The following SCFD2 variants were observed in gnomAD, a reference collection of about 807,000 sequenced individuals.
SCFD2 encodes sec1 family domain containing 2.
SCFD2 carries 54 observed loss-of-function variants against 58.9 expected under a neutral mutation model. The ratio of observed to expected loss-of-function variants is 0.92; its 90% CI spans 0.74 to 1.15. The LOEUF (loss-of-function observed/expected upper bound fraction) is 1.15. Among genes scored for constraint, SCFD2 ranks in the 50% most tolerant of loss-of-function variants. The pLI is 0.00. For missense variants in SCFD2, 805 were observed against 836.6 expected (o/e 0.96, Z 0.47); for synonymous variants, 321 against 335.9 (o/e 0.96, Z 0.49).
intron 5 of SCFD2, among the ~76,000 whole-genome samples, chr4:52,922,087 C>T (rs1719749182): frequency 6.6e-6 from 1 of 152,110 alleles, no homozygotes. Flanking sequence ...CCTGACTGTG[C>T]TTTGGGATAT....
intron 4 of SCFD2, among the ~76,000 whole-genome samples, chr4:53,169,091 A>G (rs184681074): frequency 4.6e-5 from 7 of 152,336 alleles, no homozygotes; most frequent in Admixed American, 3.9e-4. Flanking sequence ...TTAAGAATGC[A>G]TAGGCCGGGC....
chr4:53,209,771 T>C (rs1728547206), intron 4 of SCFD2, among the ~76,000 whole-genome samples: 1 of 145,814 alleles, frequency 6.9e-6, no homozygotes, highest in Admixed American at 6.9e-5. Context: ...CTTTCTCCAT[T>C]AAAAAAAAAA....
chr4:53,331,341 T>G (rs1473373903), intron 2 of SCFD2, among the ~76,000 whole-genome samples: 1 of 151,922 alleles, frequency 6.6e-6, no homozygotes, highest in Non-Finnish European at 1.5e-5. Context: ...ACCACATACT[T>G]GGAAGTAAAG....
intron 5 of SCFD2, among the ~76,000 whole-genome samples, chr4:52,962,534 T>C (rs563669408): frequency 1.3e-4 from 20 of 152,224 alleles, no homozygotes; most frequent in Non-Finnish European, 2.5e-4. Flanking sequence ...AGAAGAAGCA[T>C]AGCTGGGCTG....
chr4:53,002,205 C>T (rs62336842), intron 5 of SCFD2, among the ~76,000 whole-genome samples: 1 of 152,088 alleles, frequency 6.6e-6, no homozygotes, highest in Non-Finnish European at 1.5e-5. Flanking sequence ...GGGGACAGGG[C>T]TTAAAGGTGG....
At chr4:53,106,611 A>G (rs1725011246) in intron 5 of SCFD2, among the ~76,000 whole-genome samples, 2 of 152,214 alleles carry the variant, frequency 1.3e-5, no homozygotes, top group South Asian at 4.1e-4. Context: ...GGAAGAAAGG[A>G]TATCAGAGAT....
At chr4:52,995,720 G>C (rs1310309465) in intron 5 of SCFD2, among the ~76,000 whole-genome samples, 2 of 152,240 alleles carry the variant, frequency 1.3e-5, no homozygotes, top group East Asian at 3.8e-4. Flanking sequence ...AAGGGGCAAA[G>C]AAAGAGTGGC....
At chr4:52,956,833 A>G (rs1254068692) in intron 5 of SCFD2, 2 of 152,802 alleles carry the variant, frequency 1.3e-5, no homozygotes, top group Non-Finnish European at 1.5e-5. Flanking sequence ...TGTCCACCAG[A>G]TAAGGATCTT....
At chr4:53,348,775 C>T (rs1734133044) in intron 2 of SCFD2, among the ~76,000 whole-genome samples, 1 of 151,224 alleles carries the variant, frequency 6.6e-6, no homozygotes. Flanking sequence ...AGTGCCATGG[C>T]CCAATCTCAA....
At position 53,087,426 on chromosome 4, in the gene SCFD2, C is replaced by T. The variant is rs1252556811; in HGVS notation, c.1561+57907G>A. Among the ~76,000 whole-genome samples the T allele has an allele frequency of 4.6e-5, 7 of 152,264 alleles. No homozygotes were observed. In the East Asian group the frequency reaches 9.7e-4, roughly 21 times the overall value. ...CTCAGCTCACTGCAACCTCACCTCC[C>T]GGGTTCAAGTGATTCTCCTGCCTCA... On this transcript the variant is annotated intron_variant, in intron 5 of 8. Transcript: ENST00000401642.
intron 2 of SCFD2, among the ~76,000 whole-genome samples, chr4:53,344,575 T>C (rs1733996969): frequency 6.6e-6 from 1 of 152,190 alleles, no homozygotes; most frequent in South Asian, 2.1e-4. Context: ...CCAATGACTT[T>C]CTTCACAGAA....
intron 4 of SCFD2, among the ~76,000 whole-genome samples, chr4:53,209,238 T>C (rs1728529164): frequency 6.6e-6 from 1 of 152,118 alleles, no homozygotes; most frequent in African/African-American, 2.4e-5. Flanking sequence ...TCCAAAACCT[T>C]AGTGCTTAAT....
chr4:53,330,391 T>G (rs1054712335), intron 2 of SCFD2, among the ~76,000 whole-genome samples: 54 of 152,194 alleles, frequency 3.5e-4, no homozygotes, highest in Admixed American at 5.2e-4. Flanking sequence ...ACTAACAGCG[T>G]ATCTCTCAGC....
intron 5 of SCFD2, among the ~76,000 whole-genome samples, chr4:52,995,899 C>T (rs1459191788): frequency 6.6e-6 from 1 of 152,118 alleles, no homozygotes; most frequent in Non-Finnish European, 1.5e-5. Context: ...AACAAGAGTC[C>T]CATATTAGCT....
chr4:53,103,237 G>A (rs1361096143), intron 5 of SCFD2, among the ~76,000 whole-genome samples: 1 of 152,046 alleles, frequency 6.6e-6, no homozygotes, highest in African/African-American at 2.4e-5. Context: ...TTAGCAAAGG[G>A]CTCTGGATAT....
chr4:53,212,234 A>G (rs1396731045), intron 4 of SCFD2, among the ~76,000 whole-genome samples: 7 of 151,988 alleles, frequency 4.6e-5, no homozygotes, highest in African/African-American at 1.7e-4. Flanking sequence ...TTCCTACCCC[A>G]AAGTCGGTAA....
intron 5 of SCFD2, among the ~76,000 whole-genome samples, chr4:53,141,308 G>A (rs557379021): frequency 6.6e-6 from 1 of 152,186 alleles, no homozygotes; most frequent in East Asian, 1.9e-4. Context: ...GGGTCAAAAA[G>A]GGAAATGTAT....
intron 3 of SCFD2, among the ~76,000 whole-genome samples, chr4:53,285,278 G>A (rs1731630271): frequency 2.0e-5 from 3 of 151,932 alleles, no homozygotes; most frequent in Non-Finnish European, 1.5e-5. Flanking sequence ...AGATAACATG[G>A]CACATAATAG....
intron 5 of SCFD2, among the ~76,000 whole-genome samples, chr4:53,034,031 T>C (rs1270110387): frequency 1.3e-5 from 2 of 152,154 alleles, no homozygotes; most frequent in Admixed American, 6.5e-5. Flanking sequence ...TTCAGGCCAA[T>C]ATCCCTGATG....
Sources: allele counts gnomAD v4.1 joint callset (sites outside exome capture counted in the v4.1 genomes callset), GRCh38; gene constraint gnomAD v4.1.1; transcripts MANE v1.5; gene names NCBI Gene and HGNC (gene_info 2026-07-23, HGNC 2026-07-21).